Variants in RPS29 observed in about 807,000 individuals in gnomAD.
RPS29 encodes small ribosomal subunit protein uS14.
For missense variants in RPS29, 60 were observed against 75.7 expected (o/e 0.79, Z 0.77); for synonymous variants, 37 against 26.9 (o/e 1.37, Z -1.16).
At chr14:49,595,713 T>C (rs917702408) in intron 1 of RPS29, among the ~76,000 whole-genome samples, 8 of 151,822 alleles carry the variant, frequency 5.3e-5, no homozygotes, top group African/African-American at 1.7e-4. Flanking sequence ...AATGAAAAGT[T>C]GAAAGAAATC....
At chr14:49,572,272 T>C (rs1291509763) in exon 3 of RPS29, 1 of 152,190 alleles carries the variant, frequency 6.6e-6, no homozygotes, top group African/African-American at 2.4e-5. Flanking sequence ...TTGTAGCCAA[T>C]TGACTGGGGA....
intron 2 of RPS29, 36 bp downstream of exon 2, chr14:49,585,914 G>T: frequency 6.5e-7 from 1 of 1,532,678 alleles, no homozygotes; most frequent in Non-Finnish European, 9.0e-7. Context: ...AACCTTCTCT[G>T]CCCAAACAAC....
In RPS29 at chr14:49,578,559, C is replaced by CTTTTTTTTTTTTT. The variant is rs60555753; in HGVS notation, c.163-719_163-707dup. On this transcript the variant is annotated intron_variant, in intron 2 of 2. Coordinates refer to the RPS29 transcript ENST00000396020. ...CTACCAATATTTACCAAAGCTTTCA[C>CTTTTTTTTTTTTT]TTTTTTTTTTTTTTTTTTTGAGACA... Among the ~76,000 whole-genome samples, 35 of 103,448 alleles carry CTTTTTTTTTTTTT rather than the reference C, an allele frequency of 3.4e-4. 2 individuals are homozygous for CTTTTTTTTTTTTT. Among genetic ancestry groups the CTTTTTTTTTTTTT allele is most frequent in the Non-Finnish European group, 3.8e-4 (21 of 55,248 alleles). The allele number at this position is 103,448 out of a possible 152,430, so 67.9% of individuals were successfully genotyped here.
At chr14:49,575,850 A>G (rs962103763) in exon 3 of RPS29, 1 of 152,314 alleles carries the variant, frequency 6.6e-6, no homozygotes, top group African/African-American at 2.4e-5. Flanking sequence ...GCCATGTCCA[A>G]AAAAATTAAA....
chr14:49,573,901 G>A (rs371607804), exon 3 of RPS29: 15 of 152,306 alleles, frequency 9.8e-5, no homozygotes, highest in East Asian at 5.8e-4. Context: ...AGAAAATCCA[G>A]GGTGAACCAG....
intron 1 of RPS29, chr14:49,592,446 C>T (rs933457075): frequency 6.8e-6 from 1 of 147,146 alleles, no homozygotes; most frequent in Non-Finnish European, 1.5e-5. Context: ...TGCCTCACCT[C>T]AACCTCTGTC....
At chr14:49,578,512 T>A (rs1018362756) in intron 2 of RPS29, among the ~76,000 whole-genome samples, 5 of 151,778 alleles carry the variant, frequency 3.3e-5, no homozygotes, top group Non-Finnish European at 5.9e-5. Flanking sequence ...ATAAAAAAAA[T>A]TTCTTTCGGC....
chr14:49,595,800 G>T (rs1310178794), intron 1 of RPS29, among the ~76,000 whole-genome samples: 1 of 152,166 alleles, frequency 6.6e-6, no homozygotes, highest in African/African-American at 2.4e-5. Context: ...ATCACCAGAG[G>T]TCAGGAGTTC....
chr14:49,593,819 C>A (rs1363289719), intron 1 of RPS29, among the ~76,000 whole-genome samples: 2 of 151,724 alleles, frequency 1.3e-5, no homozygotes, highest in East Asian at 3.9e-4. Context: ...GCAATCTGTC[C>A]TCCTAAGTAA....
At chr14:49,585,793 T>C in intron 2 of RPS29, 157 bp downstream of exon 2, 3 of 615,934 alleles carry the variant, frequency 4.9e-6, no homozygotes, top group Non-Finnish European at 8.8e-6. Flanking sequence ...CCATCAACAC[T>C]GTCACCAGCT....
intron 2 of RPS29, among the ~76,000 whole-genome samples, chr14:49,578,559 C>CTTTTTTTT (rs60555753): frequency 0.027 from 2,790 of 103,328 alleles, 198 homozygotes; most frequent in Non-Finnish European, 0.03. Flanking sequence ...AAAGCTTTCA[C>CTTTTTTTT]TTTTTTTTTT....
intron 1 of RPS29, among the ~76,000 whole-genome samples, chr14:49,595,937 G>A (rs1465380806): frequency 6.6e-6 from 1 of 151,334 alleles, no homozygotes; most frequent in South Asian, 2.1e-4. Context: ...CGCTTGAGCC[G>A]GGGAGGCTGA....
At chr14:49,597,804 G>C (rs1881868181) in intron 1 of RPS29, 1 of 151,930 alleles carries the variant, frequency 6.6e-6, no homozygotes, top group South Asian at 2.1e-4. Flanking sequence ...GCGCCACCAC[G>C]CCCGGCTAAT....
At position 49,585,968 on chromosome 14, in the gene RPS29, C is replaced by A. The variant is rs1425542937; in HGVS notation, c.144G>T (p.Lys48Asn). The A allele has an allele frequency of 1.2e-6, 2 of 1,613,778 alleles. No individual in the cohort carries two copies. The highest frequency in any genetic ancestry group is 1.1e-5 in the South Asian group (1 of 91,076). ...CGCCTACCTTAATGAAACCGATATC[C>A]TTCGCGTACTGACGGAAACACTGGC... Reference protein sequence around the residue: ...MCRQCFRQYAKDIGFIKLD With the variant: ...MCRQCFRQYANDIGFIKLD The change falls in exon 2 of 3, where the codon AAG becomes AAT. Residue 48 changes from lysine (K) to asparagine (N), a missense_variant. By Grantham distance (94) the Lys-to-Asn change is moderately conservative (BLOSUM62 0). Coordinates refer to ENST00000245458, the MANE Select transcript of RPS29 (RefSeq NM_001032.5).
intron 1 of RPS29, among the ~76,000 whole-genome samples, chr14:49,593,171 G>C (rs1371293762): frequency 6.6e-6 from 1 of 152,138 alleles, no homozygotes; most frequent in Non-Finnish European, 1.5e-5. Flanking sequence ...CATGCTTTCA[G>C]AAATATTTGC....
intron 1 of RPS29, among the ~76,000 whole-genome samples, chr14:49,592,600 C>G (rs1441236280): frequency 6.6e-6 from 1 of 151,262 alleles, no homozygotes; most frequent in Non-Finnish European, 1.5e-5. Context: ...CCCCCGCCGG[C>G]CAAAAGTCTA....
At chr14:49,582,012 C>CAAAAAAAAAAAAAAAAAAAAAAAAAAA (rs58507206), downstream of RPS29, among the ~76,000 whole-genome samples, 2 of 106,534 alleles carry the variant, frequency 1.9e-5, no homozygotes, top group African/African-American at 9.1e-5. Context: ...CCCTGCCCCC[C>CAAAAAAAAAAAAAAAAAAAAAAAAAAA]AAAAAAAAAA....
At chr14:49,581,199 A>AG (rs1881324625), downstream of RPS29, among the ~76,000 whole-genome samples, 1 of 152,192 alleles carries the variant, frequency 6.6e-6, no homozygotes. Context: ...TCAAAAAAAA[A>AG]AGAAAAAAAA....
At chr14:49,598,424 G>A (rs1415488134) in exon 1 of RPS29, 3 of 700,314 alleles carry the variant, frequency 4.3e-6, no homozygotes, top group Non-Finnish European at 7.8e-6. Context: ...TATTTGTTCA[G>A]CAGGAATTGC....
Sources: allele counts gnomAD v4.1 joint callset (sites outside exome capture counted in the v4.1 genomes callset), GRCh38; gene constraint gnomAD v4.1.1; transcripts MANE v1.5; gene names NCBI Gene and HGNC (gene_info 2026-07-23, HGNC 2026-07-21).